VEGFD: variants seen among roughly 807,000 people sequenced by gnomAD.
VEGFD encodes the protein c-fos induced growth factor (vascular endothelial growth factor D).
In VEGFD, 26 loss-of-function variants were observed where a neutral mutation model predicts 28.0. That is an observed-to-expected ratio of 0.93 (90% CI 0.68 to 1.29). The LOEUF (loss-of-function observed/expected upper bound fraction) is 1.29, where lower values mean the gene tolerates loss of function less well. Among genes scored for constraint, VEGFD ranks in the 50% most tolerant of loss-of-function variants. The probability of loss-of-function intolerance (pLI) is 0.00; values close to 1 mark genes in which losing one functional copy is unlikely to be tolerated. For missense variants in VEGFD, 294 were observed against 273.4 expected, an observed-to-expected ratio of 1.08 and a Z score of -0.53; for synonymous variants, 93 against 95.5, an observed-to-expected ratio of 0.97 and a Z score of 0.15.
rs1742716743 is a variant in VEGFD at position 15,361,862 on chromosome X, T to G, written c.301+1247A>C. ...TTTCTTTCTTTGTTTTTTTGTTTTG[T>G]TTTGTTTTGTTTTTTTGTTTTTTAA... is the stretch of plus-strand genomic sequence containing the variant. On this transcript the variant is annotated intron_variant, in intron 2 of 6. Coordinates refer to ENST00000297904, the MANE Select transcript of VEGFD (RefSeq NM_004469.5). Among the ~76,000 whole-genome samples the G allele has an allele frequency of 2.7e-5, 3 of 111,363 alleles. No individual in the cohort carries two copies. In the South Asian group the frequency reaches 1.1e-3, roughly 42 times the overall value.
chrX:15,353,132 C>CA lies in VEGFD; in HGVS notation c.677dup (p.Met226IlefsTer5). ...ATTTACATTTGTTGCTATCCCATAG[C>CA]ATGTCAATAGGACAGAGTTTCTTGG... On this transcript the variant is annotated frameshift_variant, in exon 5 of 7. Coordinates refer to ENST00000297904, the MANE Select transcript of VEGFD (RefSeq NM_004469.5). LOFTEE classifies it high-confidence loss of function. 2.5e-6 allele frequency: 3 copies of CA among 1,182,073 alleles called. No individual in the cohort carries two copies. The highest frequency in any genetic ancestry group is 3.4e-6 in the Non-Finnish European group (3 of 876,161).
rs1296712853 is a variant in VEGFD, at chrX:15,363,221, C to T, written c.189G>A (p.Lys63=). The change falls in exon 2 of 7, where the codon AAG becomes AAA. Residue 63 remains lysine, a synonymous_variant. Transcript: ENST00000297904. ...LLRITHSEDW[K]LWRCRLRLKS... Reference sequence around the variant, plus strand: ...TGAGCCTCAGCCTGCATCTCCACAGCTTCCAGTCCTCAGAGTGAGTAATTC... The same window carrying T: ...TGAGCCTCAGCCTGCATCTCCACAGTTTCCAGTCCTCAGAGTGAGTAATTC... The T allele has an allele frequency of 3.3e-6, 4 of 1,209,547 alleles. No homozygotes were observed. The highest frequency in any genetic ancestry group is 4.4e-5 in the Admixed American group (2 of 45,728).
chrX:15,358,966 A>G (rs1019887724), intron 2 of VEGFD, among the ~76,000 whole-genome samples: 2 of 111,930 alleles, frequency 1.8e-5, no homozygotes, highest in Non-Finnish European at 3.8e-5. Context: ...GCCTTTCTAC[A>G]GGTGTTTTGG....
intron 1 of VEGFD, among the ~76,000 whole-genome samples, chrX:15,367,978 GAA>G (rs768159922): frequency 1.5e-3 from 66 of 43,106 alleles, no homozygotes; most frequent in African/African-American, 2.4e-3. Context: ...AAGAAAGAAA[GAA>G]AAAGAAAAAG....
At chrX:15,350,837 T>TTTTC (rs200294950) in intron 5 of VEGFD, among the ~76,000 whole-genome samples, 1 of 62,045 alleles carries the variant, frequency 1.6e-5, no homozygotes, top group African/African-American at 6.8e-5. Flanking sequence ...TTCTTTTCTT[T>TTTTC]TCTTTTTCTC....
chrX:15,382,343 T>TAAATAAATAAAC (rs1349083415), intron 1 of VEGFD, among the ~76,000 whole-genome samples: 1 of 110,552 alleles, frequency 9.0e-6, no homozygotes, highest in Admixed American at 9.6e-5. Context: ...AATAAATAAA[T>TAAATAAATAAAC]AAAACTTCAC....
At chrX:15,349,527 A>C (rs1371555977) in intron 5 of VEGFD, among the ~76,000 whole-genome samples, 1 of 112,193 alleles carries the variant, frequency 8.9e-6, no homozygotes, top group Non-Finnish European at 1.9e-5. Context: ...TTATCAATAA[A>C]CTGATAGAAT....
At chrX:15,368,125 GAA>G (rs1214453959) in intron 1 of VEGFD, among the ~76,000 whole-genome samples, 1 of 98,042 alleles carries the variant, frequency 1.0e-5, no homozygotes, top group Non-Finnish European at 2.1e-5. Flanking sequence ...AGAAAGGAGA[GAA>G]AGAGAAAGAA....
chrX:15,365,473 A>G (rs1161121752), intron 1 of VEGFD, among the ~76,000 whole-genome samples: 1 of 111,174 alleles, frequency 9.0e-6, no homozygotes, highest in African/African-American at 3.3e-5. Flanking sequence ...TCAAACTATG[A>G]CCTCCCAGCC....
At chrX:15,350,825 C>CT (rs1569183245) in intron 5 of VEGFD, among the ~76,000 whole-genome samples, 9 of 83,936 alleles carry the variant, frequency 1.1e-4, no homozygotes, top group Admixed American at 9.4e-4. Flanking sequence ...CTCTCTCTCT[C>CT]TTTCTTTTCT....
chrX:15,349,054 T>C (rs978629901), intron 5 of VEGFD, among the ~76,000 whole-genome samples: 4 of 112,638 alleles, frequency 3.6e-5, no homozygotes, highest in African/African-American at 6.5e-5. Context: ...CGTTTGAGAA[T>C]GGGTGCTGGA....
In VEGFD at chrX:15,383,100, A is replaced by G. The variant is rs1403433697; in HGVS notation, c.90+757T>C. Among the ~76,000 whole-genome samples the G allele has an allele frequency of 3.6e-5, 4 of 111,890 alleles. No homozygotes were observed. The East Asian group carries it at 1.1e-3, about 31-fold the overall frequency. On this transcript the variant is annotated intron_variant, in intron 1 of 6. Coordinates refer to ENST00000297904, the MANE Select transcript of VEGFD (RefSeq NM_004469.5). ...GTCTTTTCAAGGCCAGAAGTTCCTA[A>G]ATCAATAATGATTTAGCACCACTTC...
chrX:15,377,754 T>G (rs1212367842), intron 1 of VEGFD, among the ~76,000 whole-genome samples: 1 of 111,483 alleles, frequency 9.0e-6, no homozygotes, highest in Non-Finnish European at 1.9e-5. Flanking sequence ...CCAGAGAATT[T>G]AAGTGCCAGG....
chrX:15,358,190 A>G lies in VEGFD; in HGVS notation c.305T>C (p.Ile102Thr). Residue 102 changes from isoleucine to threonine, a missense_variant, in exon 3 of 7, where the codon ATA becomes ACA. Coordinates refer to ENST00000297904, the MANE Select transcript of VEGFD (RefSeq NM_004469.5). ...CTGAGTTCTTTGCCATTCTTCATCT[A>G]TAACTGCAGAGAGAAAGAAAGCTCA... ...TFYDIETLKV[I>T]DEEWQRTQCS... 8.3e-7 allele frequency: 1 copy of G among 1,202,943 alleles called. No homozygotes were observed. Among genetic ancestry groups the G allele is most frequent in the Middle Eastern group, 2.3e-4 (1 of 4,271 alleles).
chrX:15,349,585 G>A (rs1270675182), intron 5 of VEGFD, among the ~76,000 whole-genome samples: 1 of 111,687 alleles, frequency 9.0e-6, no homozygotes, highest in East Asian at 2.8e-4. Flanking sequence ...AAGAAGGAAG[G>A]GATATATTAA....
In VEGFD at chrX:15,365,731, G is replaced by GA. The variant is rs761209096; in HGVS notation, c.91-2413dup. Among the ~76,000 whole-genome samples the GA allele has an allele frequency of 4.5e-5, 5 of 110,523 alleles. No homozygotes were observed. The East Asian group carries it at 1.1e-3, about 25-fold the overall frequency. The stretch of plus-strand genomic sequence containing the variant: ...TAATATTGCCTCTACTCTCTTTTTT[G>GA]AAAAATGTTGGAGGCTTTTAATCAT... On this transcript the variant is annotated intron_variant, in intron 1 of 6. Coordinates refer to ENST00000297904, the MANE Select transcript of VEGFD (RefSeq NM_004469.5).
intron 5 of VEGFD, among the ~76,000 whole-genome samples, chrX:15,349,396 G>A (rs1002827335): frequency 1.1e-4 from 12 of 112,140 alleles, no homozygotes; most frequent in Non-Finnish European, 2.3e-4. Context: ...CTGGATGCAA[G>A]AGAACTGGTG....
chrX:15,362,414 C>T (rs1382072842), intron 2 of VEGFD, among the ~76,000 whole-genome samples: 4 of 109,632 alleles, frequency 3.6e-5, no homozygotes, highest in Non-Finnish European at 7.6e-5. Context: ...TCTATTGGTT[C>T]GGGGAGGGGG....
intron 1 of VEGFD, among the ~76,000 whole-genome samples, chrX:15,371,401 T>A (rs916108993): frequency 3.6e-5 from 4 of 112,279 alleles, no homozygotes; most frequent in Non-Finnish European, 7.5e-5. Flanking sequence ...TTAAGAAAGA[T>A]GATATATCCT....
Sources: allele counts gnomAD v4.1 joint callset (sites outside exome capture counted in the v4.1 genomes callset), GRCh38; gene constraint gnomAD v4.1.1; transcripts MANE v1.5; gene names NCBI Gene and HGNC (gene_info 2026-07-23, HGNC 2026-07-21).